The following MRPS27 variants were observed in gnomAD, a reference collection of about 807,000 sequenced individuals.
The protein encoded by MRPS27 is mitochondrial ribosomal protein S27, also known as small ribosomal subunit protein mS27.
In MRPS27, 43 loss-of-function variants were observed where a neutral mutation model predicts 48.9. That is an observed-to-expected ratio of 0.88 (90% CI 0.69 to 1.13). The LOEUF (loss-of-function observed/expected upper bound fraction) is 1.13, where lower values mean the gene tolerates loss of function less well. Ranked by LOEUF, MRPS27 falls within the 50% of genes most tolerant of loss-of-function variation. The probability of loss-of-function intolerance (pLI) is 0.00; values close to 1 mark genes in which losing one functional copy is unlikely to be tolerated. For synonymous variants in MRPS27, 188 were observed against 171.9 expected, an observed-to-expected ratio of 1.09 and a Z score of -0.73; for missense variants, 467 against 476.3, an observed-to-expected ratio of 0.98 and a Z score of 0.18.
At chr5:72,259,420 A>T (rs1165808742) in intron 4 of MRPS27, among the ~76,000 whole-genome samples, 1 of 150,722 alleles carries the variant, frequency 6.6e-6, no homozygotes, top group Non-Finnish European at 1.5e-5. Context: ...GTGAGCCAAG[A>T]TCATGCCACT....
intron 4 of MRPS27, among the ~76,000 whole-genome samples, chr5:72,277,276 T>C (rs1489117101): frequency 6.6e-6 from 1 of 152,146 alleles, no homozygotes; most frequent in African/African-American, 2.4e-5. Context: ...GAATATAAAT[T>C]AGTTCAACCA....
chr5:72,221,740 C>T (rs1386268328), intron 10 of MRPS27, among the ~76,000 whole-genome samples: 1 of 152,212 alleles, frequency 6.6e-6, no homozygotes, highest in Non-Finnish European at 1.5e-5. Flanking sequence ...CAAGGAATAG[C>T]TCCCCTGAGT....
At chr5:72,248,529 A>T (rs1416464673) in intron 4 of MRPS27, among the ~76,000 whole-genome samples, 1 of 152,138 alleles carries the variant, frequency 6.6e-6, no homozygotes, top group African/African-American at 2.4e-5. Context: ...TGAAAGTGCC[A>T]GGAGACCTGC....
At chr5:72,243,796 G>A (rs958623040) in intron 4 of MRPS27, among the ~76,000 whole-genome samples, 23 of 152,086 alleles carry the variant, frequency 1.5e-4, no homozygotes, top group African/African-American at 5.3e-4. Context: ...AAAAATTAAA[G>A]TCAAGTTTAC....
intron 4 of MRPS27, among the ~76,000 whole-genome samples, chr5:72,280,475 A>T (rs1459646650): frequency 6.6e-6 from 1 of 152,236 alleles, no homozygotes. Context: ...AATATGAAAA[A>T]AATGTATATT....
At chr5:72,260,915 G>A (rs1415766595) in intron 4 of MRPS27, among the ~76,000 whole-genome samples, 1 of 152,188 alleles carries the variant, frequency 6.6e-6, no homozygotes, top group African/African-American at 2.4e-5. Flanking sequence ...TGAGGCTGGA[G>A]TGTAGTGGCG....
intron 5 of MRPS27, among the ~76,000 whole-genome samples, chr5:72,236,524 T>TTACA (rs1748202943): frequency 1.3e-5 from 2 of 152,152 alleles, no homozygotes; most frequent in African/African-American, 4.8e-5. Context: ...TTGAGTGTAA[T>TTACA]CTGTGACATT....
chr5:72,279,601 C>T (rs1749477495), intron 4 of MRPS27, among the ~76,000 whole-genome samples: 1 of 151,986 alleles, frequency 6.6e-6, no homozygotes, highest in Admixed American at 6.6e-5. Flanking sequence ...TTAAAAAACA[C>T]ACAACAAGCA....
chr5:72,293,558 T>C (rs767425490), intron 4 of MRPS27, among the ~76,000 whole-genome samples: 4 of 152,164 alleles, frequency 2.6e-5, no homozygotes, highest in Non-Finnish European at 4.4e-5. Flanking sequence ...GAAGAATTAA[T>C]CATAGAAGGT....
In MRPS27 at chr5:72,286,029, G is replaced by A. The variant is rs137986918; in HGVS notation, c.281+9502C>T. The stretch of plus-strand genomic sequence containing the variant: ...CTGTTAGGGCAGTTTAAATTTTCCC[G>A]CAATGGAAAAAGAATGACTTTTGCA... On this transcript the variant is annotated intron_variant, in intron 4 of 10. Transcript: ENST00000261413. Among the ~76,000 whole-genome samples, 26 of 152,134 alleles carry A rather than the reference G, an allele frequency of 1.7e-4. No homozygotes were observed. In the South Asian group the frequency reaches 5.2e-3, roughly 30 times the overall value.
At chr5:72,319,564 G>T (rs1299713013) in intron 1 of MRPS27, among the ~76,000 whole-genome samples, 4 of 106,738 alleles carry the variant, frequency 3.7e-5, no homozygotes, top group East Asian at 2.8e-4. Context: ...TTTTTTTTGA[G>T]ACAGGGTCTC....
At chr5:72,230,195 C>T (rs1176911084) in intron 7 of MRPS27, among the ~76,000 whole-genome samples, 1 of 152,140 alleles carries the variant, frequency 6.6e-6, no homozygotes, top group Non-Finnish European at 1.5e-5. Flanking sequence ...GCTCCTGGCC[C>T]AAGCCTTTAA....
At chr5:72,299,874 T>C (rs1479594108) in intron 2 of MRPS27, among the ~76,000 whole-genome samples, 1 of 152,202 alleles carries the variant, frequency 6.6e-6, no homozygotes, top group African/African-American at 2.4e-5. Flanking sequence ...ACAGAAGCAA[T>C]CCAAAGAGAA....
At chr5:72,293,535 C>T (rs1239537758) in intron 4 of MRPS27, among the ~76,000 whole-genome samples, 1 of 152,274 alleles carries the variant, frequency 6.6e-6, no homozygotes, top group Admixed American at 6.5e-5. Context: ...CCACACAAAA[C>T]TGAACATCAT....
At chr5:72,310,702 T>A (rs1463710883) in intron 2 of MRPS27, among the ~76,000 whole-genome samples, 2 of 152,214 alleles carry the variant, frequency 1.3e-5, no homozygotes, top group Non-Finnish European at 2.9e-5. Flanking sequence ...GCTAAAGCCA[T>A]GAATGGATGC....
At chr5:72,242,201 C>T (rs753079926) in intron 4 of MRPS27, among the ~76,000 whole-genome samples, 5 of 152,006 alleles carry the variant, frequency 3.3e-5, no homozygotes, top group Admixed American at 2.0e-4. Flanking sequence ...AGCCAAACCA[C>T]GGCCAATAAA....
intron 2 of MRPS27, among the ~76,000 whole-genome samples, chr5:72,309,575 T>C (rs1750383214): frequency 6.6e-6 from 1 of 152,166 alleles, no homozygotes. Flanking sequence ...CAGATTATTA[T>C]ACTCATTATT....
At position 72,320,183 on chromosome 5, in the gene MRPS27, C is replaced by T. The variant is rs1453860642; in HGVS notation, c.39G>A (p.Ala13=). 3 of 1,613,876 alleles carry T rather than the reference C, an allele frequency of 1.9e-6. No homozygotes were observed. The highest frequency in any genetic ancestry group is 1.7e-6 in the Non-Finnish European group (2 of 1,179,912). Residue 13 remains alanine, a synonymous_variant, in exon 1 of 11, where the codon GCG becomes GCA. Coordinates refer to ENST00000261413, the MANE Select transcript of MRPS27 (RefSeq NM_015084.3). ...ASIVRRGMLL[A]RQVVLPQLSP... ...AGAGCTGAGGAAGAACCACTTGCCG[C>T]GCCAGGAGCATCCCGCGCCGCACTA...
At chr5:72,279,243 T>C (rs1749469018) in intron 4 of MRPS27, among the ~76,000 whole-genome samples, 1 of 152,254 alleles carries the variant, frequency 6.6e-6, no homozygotes, top group Non-Finnish European at 1.5e-5. Flanking sequence ...TCTATTCATA[T>C]GTTAAATATG....
Sources: gnomAD v4.1 joint callset for allele counts (sites outside exome capture counted in the v4.1 genomes callset) on GRCh38, gnomAD v4.1.1 for gene constraint, MANE v1.5 for transcripts, NCBI Gene and HGNC (gene_info 2026-07-23, HGNC 2026-07-21) for gene names.